The following CEP85L variants were observed in gnomAD, a reference collection of about 807,000 sequenced individuals.
The protein encoded by CEP85L is centrosomal protein 85L, also known as centrosomal protein of 85 kDa-like.
In CEP85L, 60 loss-of-function variants were observed where a neutral mutation model predicts 100.3. The observed-to-expected ratio is 0.60, with a 90% CI of 0.49 to 0.74. CEP85L has a LOEUF of 0.74. CEP85L is among the 30% of genes least tolerant of loss of function. The pLI is 0.00. For missense variants in CEP85L, 973 were observed against 936.2 expected, an observed-to-expected ratio of 1.04 and a Z score of -0.51; for synonymous variants, 319 against 322.7, an observed-to-expected ratio of 0.99 and a Z score of 0.12.
At chr6:118,605,413 T>G (rs1772124811) in intron 2 of CEP85L, among the ~76,000 whole-genome samples, 1 of 152,142 alleles carries the variant, frequency 6.6e-6, no homozygotes, top group South Asian at 2.1e-4. Flanking sequence ...AAGAGTCAAG[T>G]GCCCCTCCCT....
At chr6:118,534,567 C>T (rs376134150) in intron 3 of CEP85L, among the ~76,000 whole-genome samples, 2 of 151,512 alleles carry the variant, frequency 1.3e-5, no homozygotes, top group African/African-American at 4.9e-5. Flanking sequence ...GCAGGAGAAT[C>T]GCTTGAACCC....
intron 6 of CEP85L, among the ~76,000 whole-genome samples, chr6:118,484,916 A>G (rs200675003): frequency 1.3e-5 from 2 of 152,240 alleles, no homozygotes; most frequent in South Asian, 4.1e-4. Flanking sequence ...GCACTGTGTC[A>G]TAATTGAATT....
intron 5 of CEP85L, among the ~76,000 whole-genome samples, chr6:118,495,733 C>T (rs1326313817): frequency 2.0e-5 from 3 of 152,120 alleles, no homozygotes; most frequent in South Asian, 2.1e-4. Context: ...TCTTAGGAGA[C>T]GCTGCAGTTC....
chr6:118,653,743 C>CTGTG (rs372465732), upstream of CEP85L, among the ~76,000 whole-genome samples: 53 of 130,646 alleles, frequency 4.1e-4, no homozygotes, highest in Admixed American at 1.2e-3. Context: ...AATAGTGACT[C>CTGTG]TGTGTATGTG....
chr6:118,522,644 G>A (rs1324424172), intron 4 of CEP85L, among the ~76,000 whole-genome samples: 7 of 152,106 alleles, frequency 4.6e-5, no homozygotes, highest in South Asian at 4.1e-4. Context: ...TTGAGAGACC[G>A]AGGCAGGTGG....
chr6:118,701,107 T>C (rs1320820686), intron 1 of CEP85L, among the ~76,000 whole-genome samples: 2 of 152,156 alleles, frequency 1.3e-5, no homozygotes, highest in East Asian at 1.9e-4. Context: ...CATTTCTACA[T>C]TGTTAAGAGC....
At position 118,469,105 on chromosome 6, in the gene CEP85L, C is replaced by A. The variant is rs1316782501; in HGVS notation, c.2221G>T (p.Glu741Ter). 1 of 1,613,708 alleles carries A rather than the reference C, an allele frequency of 6.2e-7. No homozygotes were observed. ...CCCAGTAATAATGAAAGATTAGGCT[C>A]CTTGCCCTGAGCACGCTGATTAAGA... ...SILNQRAQGK[E>*]PNLSLLLGIR... Residue 741 changes from glutamate (E) to a stop codon, truncating the protein, a stop_gained, in exon 12 of 13, where the codon GAG (glutamate) becomes TAG (stop). Coordinates refer to ENST00000368491, the MANE Select transcript of CEP85L (RefSeq NM_001042475.3). LOFTEE classifies it high-confidence loss of function.
intron 1 of CEP85L, among the ~76,000 whole-genome samples, chr6:118,708,930 A>T (rs1777687629): frequency 6.6e-6 from 1 of 152,226 alleles, no homozygotes. Context: ...AATGCCAAAA[A>T]CAGTGTTGAG....
At chr6:118,592,921 C>T (rs954960002) in intron 2 of CEP85L, among the ~76,000 whole-genome samples, 1 of 152,000 alleles carries the variant, frequency 6.6e-6, no homozygotes, top group Non-Finnish European at 1.5e-5. Context: ...ATATAGGTTA[C>T]CACTTTTGCC....
rs935118048 is a variant in CEP85L at position 118,462,875 on chromosome 6, T to C, written c.*2530A>G. The C allele has an allele frequency of 9.9e-5, 15 of 152,090 alleles. No individual in the cohort carries two copies. The highest frequency in any genetic ancestry group is 2.6e-4 in the African/African-American group (11 of 41,544). 9.4% of individuals were successfully genotyped at this position (152,090 alleles called of 1,614,324 possible). A position where few individuals can be genotyped will look rare whatever the true frequency, so the allele number is the denominator to read the frequency against. ...GTAAATACTGACAAACTAGATAGAA[T>C]ACTATTAGTTTCAATTCCCCCACAA... On this transcript the variant is annotated 3_prime_UTR_variant, in exon 13 of 13. Transcript: ENST00000368491.
At chr6:118,667,107 C>T (rs780983966) in intron 1 of CEP85L, among the ~76,000 whole-genome samples, 2 of 152,142 alleles carry the variant, frequency 1.3e-5, no homozygotes, top group South Asian at 4.1e-4. Context: ...AGGGATCCTT[C>T]GGGTCCAGAC....
At chr6:118,494,915 G>T (rs1774822684) in intron 5 of CEP85L, among the ~76,000 whole-genome samples, 1 of 152,074 alleles carries the variant, frequency 6.6e-6, no homozygotes, top group African/African-American at 2.4e-5. Context: ...GATTATGATA[G>T]AAAATGTAGA....
Position 118,465,026 on chromosome 6 carries a change from G to T in CEP85L, c.*379C>A. ...AAACCCTTATAAATTTGTGAATAAA[G>T]CACGTGCACACACACACAACAACAC... is the stretch of plus-strand genomic sequence containing the variant. On this transcript the variant is annotated 3_prime_UTR_variant, in exon 13 of 13. Transcript: ENST00000368491. The T allele has an allele frequency of 6.3e-6, 1 of 158,004 alleles. No homozygotes were observed. The highest frequency in any genetic ancestry group is 6.4e-5 in the Admixed American group (1 of 15,532). The allele number at this position is 158,004 out of a possible 1,614,324, so 9.8% of individuals were successfully genotyped here.
intron 2 of CEP85L, among the ~76,000 whole-genome samples, chr6:118,593,514 C>A (rs1781302632): frequency 6.6e-6 from 1 of 151,934 alleles, no homozygotes; most frequent in African/African-American, 2.4e-5. Flanking sequence ...ACAACCTGAT[C>A]TTGTGAGAAG....
intron 12 of CEP85L, among the ~76,000 whole-genome samples, chr6:118,468,825 T>G (rs757909477): frequency 6.6e-6 from 1 of 152,164 alleles, no homozygotes; most frequent in Non-Finnish European, 1.5e-5. Context: ...TACCACTCTA[T>G]TCACATATTT....
At chr6:118,700,283 T>C (rs992441767) in intron 1 of CEP85L, among the ~76,000 whole-genome samples, 2 of 152,196 alleles carry the variant, frequency 1.3e-5, no homozygotes, top group Non-Finnish European at 2.9e-5. Context: ...TACCCCAATA[T>C]TCTCATCTCC....
chr6:118,606,071 C>T (rs949987493), intron 2 of CEP85L, among the ~76,000 whole-genome samples: 8 of 149,748 alleles, frequency 5.3e-5, no homozygotes, highest in Middle Eastern at 3.5e-3. Flanking sequence ...ATAATTTAGT[C>T]GACTGAAAAG....
intron 1 of CEP85L, among the ~76,000 whole-genome samples, chr6:118,702,778 C>T (rs564580378): frequency 6.6e-5 from 10 of 152,194 alleles, no homozygotes; most frequent in African/African-American, 2.4e-4. Context: ...AGGCGGATCA[C>T]GAAGTCAGGA....
intron 1 of CEP85L, among the ~76,000 whole-genome samples, chr6:118,693,617 C>T (rs1777113607): frequency 1.3e-5 from 2 of 152,184 alleles, no homozygotes; most frequent in African/African-American, 4.8e-5. Context: ...TATTGGTTAG[C>T]CTGCACTGTC....
Sources: gnomAD v4.1 joint callset for allele counts (sites outside exome capture counted in the v4.1 genomes callset) on GRCh38, gnomAD v4.1.1 for gene constraint, MANE v1.5 for transcripts, NCBI Gene and HGNC (gene_info 2026-07-23, HGNC 2026-07-21) for gene names.